Variants in ODF2 observed in about 807,000 individuals in gnomAD.
The protein encoded by ODF2 is outer dense fiber of sperm tails 2.
In ODF2, 47 loss-of-function variants were observed where a neutral mutation model predicts 110.2. The ratio of observed to expected loss-of-function variants is 0.43; its 90% confidence interval spans 0.34 to 0.54. ODF2 has a LOEUF of 0.54. Among genes scored for constraint, ODF2 ranks in the 20% least tolerant of loss-of-function variants. The pLI is 0.03. For synonymous variants in ODF2, 352 were observed against 397.7 expected (o/e 0.89, Z 1.37); for missense variants, 812 against 1,054.5 (o/e 0.77, Z 3.19).
chr9:128,499,251 A>G (rs1564536830), intron 20 of ODF2, 125 bp downstream of exon 20: 1 of 1,106,122 alleles, frequency 9.0e-7, no homozygotes. Flanking sequence ...TTTTTCTCCA[A>G]TCACTTTCTA....
intron 1 of ODF2, chr9:128,456,967 G>C: frequency 8.1e-7 from 1 of 1,236,834 alleles, no homozygotes; most frequent in Non-Finnish European, 1.0e-6. Context: ...CATCCCCGCG[G>C]CTCCCTGCGC....
intron 18 of ODF2, chr9:128,497,446 A>AAAAAAATATATAT (rs1554857542): frequency 2.3e-5 from 1 of 42,598 alleles, no homozygotes; most frequent in Non-Finnish European, 3.6e-5. Flanking sequence ...AAAAAAAAAA[A>AAAAAAATATATAT]ATATATATAT....
At chr9:128,481,513 C>A in intron 8 of ODF2, 67 bp from the exon 9 acceptor site, 15 of 1,214,394 alleles carry the variant, frequency 1.2e-5, no homozygotes, top group Middle Eastern at 2.0e-4. Flanking sequence ...GGTAAAGAAT[C>A]AATAAAATGT....
intron 3 of ODF2, 81 bp downstream of exon 3, chr9:128,460,747 C>T (rs1268291438): frequency 1.3e-6 from 2 of 1,572,596 alleles, no homozygotes; most frequent in African/African-American, 2.7e-5. Flanking sequence ...CACTCTGACT[C>T]CAAAGGTTTG....
At chr9:128,462,265 C>T (rs2131518828) in intron 4 of ODF2, among the ~76,000 whole-genome samples, 1 of 152,088 alleles carries the variant, frequency 6.6e-6, no homozygotes, top group South Asian at 2.1e-4. Context: ...ATTCTCCTGC[C>T]TCAGCCTGCT....
intron 1 of ODF2, 78 bp downstream of exon 1, chr9:128,456,333 GCGGTCGACC>G: frequency 6.9e-7 from 1 of 1,456,052 alleles, no homozygotes; most frequent in Non-Finnish European, 9.0e-7. Context: ...CACCCCCGGC[GCGGTCGACC>G]CCGCGGGGCC....
At chr9:128,469,595 A>G (rs988140153) in intron 5 of ODF2, 6 of 516,038 alleles carry the variant, frequency 1.2e-5, no homozygotes, top group South Asian at 9.8e-5. Flanking sequence ...GGGTGGTCCA[A>G]TTTGAATTTT....
At chr9:128,498,228 G>A (rs1369420921) in intron 18 of ODF2, 185 bp from the exon 19 acceptor site, 1 of 798,748 alleles carries the variant, frequency 1.3e-6, no homozygotes, top group Non-Finnish European at 1.8e-6. Context: ...CTAACCAGTT[G>A]CTCCAGCTGC....
Position 128,472,188 on chromosome 9 carries a change from G to T in ODF2, c.581+720G>T, listed in dbSNP as rs571291756. Among the ~76,000 whole-genome samples, 4 of 152,256 alleles carry T rather than the reference G, an allele frequency of 2.6e-5. No homozygotes were observed. The East Asian group carries it at 7.7e-4, about 29-fold the overall frequency. On this transcript the variant is annotated intron_variant, in intron 6 of 20. Transcript: ENST00000604420. Reference sequence around the variant, plus strand: ...CTAGCTACTCTGGAGGCTGAGGCAGGAGAACTGCTTGATCCTGGGAGGCAT... The same window carrying T: ...CTAGCTACTCTGGAGGCTGAGGCAGTAGAACTGCTTGATCCTGGGAGGCAT...
intron 10 of ODF2, among the ~76,000 whole-genome samples, 170 bp from the exon 11 acceptor site, chr9:128,483,768 C>T (rs1842861358): frequency 6.6e-6 from 1 of 151,334 alleles, no homozygotes. Context: ...TGACTGTAAC[C>T]CCAGCTACTC....
intron 1 of ODF2, chr9:128,457,144 C>T (rs1835087880): frequency 6.8e-7 from 1 of 1,475,116 alleles, no homozygotes; most frequent in South Asian, 1.2e-5. Context: ...CCTCCCCTTC[C>T]TCCCCTCTGC....
chr9:128,457,938 TATA>T (rs1176206382), intron 2 of ODF2, among the ~76,000 whole-genome samples: 11 of 70,284 alleles, frequency 1.6e-4, no homozygotes, highest in African/African-American at 5.1e-4. Context: ...TATATATATA[TATA>T]TATTTTTTTT....
intron 6 of ODF2, 130 bp from the exon 7 acceptor site, chr9:128,472,783 G>T: frequency 7.1e-7 from 1 of 1,413,834 alleles, no homozygotes; most frequent in South Asian, 1.3e-5. Flanking sequence ...GGCCAGAAGG[G>T]CTGTCCCTGC....
chr9:128,457,132 C>A, intron 1 of ODF2: 4 of 1,434,616 alleles, frequency 2.8e-6, no homozygotes, highest in Non-Finnish European at 3.7e-6. Flanking sequence ...TCTGCCCCGT[C>A]CCCTCCCCTT....
At chr9:128,473,665 T>C (rs1282585600) in exon 8 of ODF2, 1 of 1,613,674 alleles carries the variant, frequency 6.2e-7, no homozygotes, top group East Asian at 2.2e-5. Context: ...AAGGAACTTC[T>C]CCTGCAGAAG....
chr9:128,494,447 A>G lies in ODF2; in HGVS notation c.1753-63A>G, dbSNP rs367934214. On this transcript the variant is annotated intron_variant, in intron 16 of 20. Coordinates refer to ENST00000604420, the Ensembl canonical transcript of ODF2. This position sits in a 1 kb window ranked among gnomAD's most constrained non-coding sequence, Gnocchi z 4.6. ...CTAAAGGACTCTGCCTGGCTCCACTAGGAGCCAGGTCTTTCCTAACTGTGG... is the reference window on the plus strand; with the variant it reads ...CTAAAGGACTCTGCCTGGCTCCACTGGGAGCCAGGTCTTTCCTAACTGTGG... 3,486 of 1,469,818 alleles carry G rather than the reference A, an allele frequency of 2.4e-3. 56 individuals carry two copies. In the African/African-American group the frequency reaches 0.041, roughly 17 times the overall value. The allele number at this position is 1,469,818 out of a possible 1,614,324, so 91.0% of individuals were successfully genotyped here.
intron 6 of ODF2, 46 bp downstream of exon 6, chr9:128,471,514 C>G: frequency 1.9e-6 from 3 of 1,591,292 alleles, no homozygotes; most frequent in South Asian, 2.3e-5. Flanking sequence ...TCCTCCCTAC[C>G]AGGCTGCCTT....
chr9:128,487,230 A>G (rs1282094537), intron 13 of ODF2, among the ~76,000 whole-genome samples: 1 of 152,130 alleles, frequency 6.6e-6, no homozygotes, highest in Non-Finnish European at 1.5e-5. Context: ...TACAGGTGTG[A>G]GCTGCCACAC....
At chr9:128,462,807 A>C (rs1021560351) in intron 4 of ODF2, among the ~76,000 whole-genome samples, 7 of 151,472 alleles carry the variant, frequency 4.6e-5, no homozygotes, top group African/African-American at 7.3e-5. Flanking sequence ...GTTAGCCAGG[A>C]TGGTCTCGAT....
Sources: allele counts gnomAD v4.1 joint callset (sites outside exome capture counted in the v4.1 genomes callset), GRCh38; gene constraint gnomAD v4.1.1; non-coding constraint Gnocchi (gnomAD v3.1); transcripts MANE v1.5; gene names NCBI Gene and HGNC (gene_info 2026-07-23, HGNC 2026-07-21).